The following TJP1 variants were observed in gnomAD, a reference collection of about 807,000 sequenced individuals.
TJP1 encodes the protein tight junction protein ZO-1.
Under a neutral mutation model 194.2 loss-of-function variants are expected in TJP1, and 43 were observed. The ratio of observed to expected loss-of-function variants is 0.22; its 90% CI spans 0.17 to 0.29. The LOEUF (loss-of-function observed/expected upper bound fraction) is 0.29, where lower values mean the gene tolerates loss of function less well. Ranked by LOEUF, TJP1 falls within the 10% of genes least tolerant of loss-of-function variation. The probability of loss-of-function intolerance (pLI) is 1.00; values close to 1 mark genes in which losing one functional copy is unlikely to be tolerated. For missense variants in TJP1, 1,971 were observed against 2,185.7 expected (o/e 0.90, Z 1.96); for synonymous variants, 801 against 779.0 (o/e 1.03, Z -0.47).
chr15:29,936,916 C>A (rs1447820668), intron 2 of TJP1, among the ~76,000 whole-genome samples: 1 of 152,138 alleles, frequency 6.6e-6, no homozygotes, highest in Non-Finnish European at 1.5e-5. Flanking sequence ...CCCTGGGATC[C>A]CTTGTTTCTT....
At chr15:29,766,571 T>G (rs779077757) in intron 4 of TJP1, 29 bp from the exon 5 acceptor site, 2 of 1,520,320 alleles carry the variant, frequency 1.3e-6, no homozygotes, top group African/African-American at 2.8e-5. Flanking sequence ...AAAAAATAAG[T>G]TGACTGATTT....
intron 25 of TJP1, 71 bp downstream of exon 25, chr15:29,708,488 A>T: frequency 7.8e-7 from 1 of 1,287,382 alleles, no homozygotes; most frequent in Middle Eastern, 2.4e-4. Flanking sequence ...GTCCCAAGTC[A>T]AATAAACTAC....
At chr15:29,966,213 T>G (rs73373148) in intron 1 of TJP1, among the ~76,000 whole-genome samples, 4,160 of 152,252 alleles carry the variant, frequency 0.027, 222 homozygotes, top group African/African-American at 0.096. Flanking sequence ...ATCTTGATTT[T>G]TAAACTGGCC....
At chr15:29,864,573 G>A (rs2052233539) in intron 2 of TJP1, among the ~76,000 whole-genome samples, 1 of 152,126 alleles carries the variant, frequency 6.6e-6, no homozygotes, top group Non-Finnish European at 1.5e-5. Context: ...TTACCTGCAA[G>A]CATCTGGGCC....
chr15:29,732,373 C>T, intron 15 of TJP1, 60 bp downstream of exon 15: 1 of 1,339,888 alleles, frequency 7.5e-7, no homozygotes, highest in Non-Finnish European at 1.1e-6. Context: ...TGAATCAGAA[C>T]TCACTCACTT....
At chr15:29,807,708 T>C (rs45482700) in intron 1 of TJP1, among the ~76,000 whole-genome samples, 3,743 of 152,226 alleles carry the variant, frequency 0.025, 157 homozygotes, top group African/African-American at 0.086. Context: ...AACATAACTA[T>C]ATTACAGATG....
At chr15:29,749,066 A>C (rs1745389608) in intron 8 of TJP1, among the ~76,000 whole-genome samples, 1 of 151,886 alleles carries the variant, frequency 6.6e-6, no homozygotes, top group Non-Finnish European at 1.5e-5. Flanking sequence ...CCTAGAAGGA[A>C]ACTTTGGGCA....
intron 2 of TJP1, among the ~76,000 whole-genome samples, chr15:29,912,591 A>G (rs2054049731): frequency 6.7e-6 from 1 of 149,416 alleles, no homozygotes; most frequent in Non-Finnish European, 1.5e-5. Flanking sequence ...CTGTAATCCT[A>G]GCTACTCAGG....
intron 2 of TJP1, among the ~76,000 whole-genome samples, chr15:29,839,015 T>TC: frequency 7.3e-6 from 1 of 137,336 alleles, no homozygotes; most frequent in South Asian, 2.6e-4. Flanking sequence ...TTTTTTTTTT[T>TC]TGAGACGGAG....
At chr15:29,838,728 A>T (rs1411997317) in intron 2 of TJP1, among the ~76,000 whole-genome samples, 2 of 151,952 alleles carry the variant, frequency 1.3e-5, no homozygotes, top group Non-Finnish European at 2.9e-5. Context: ...CTATGCCTTC[A>T]CCACAAGACT....
At chr15:29,785,835 T>G (rs933344124) in intron 2 of TJP1, among the ~76,000 whole-genome samples, 7 of 152,194 alleles carry the variant, frequency 4.6e-5, no homozygotes, top group African/African-American at 1.7e-4. Flanking sequence ...CCTCAGCAAT[T>G]GTCTGTTCCA....
At chr15:29,739,883 T>C (rs1435396832) in intron 10 of TJP1, among the ~76,000 whole-genome samples, 1 of 152,214 alleles carries the variant, frequency 6.6e-6, no homozygotes, top group African/African-American at 2.4e-5. Context: ...AATTACCTAA[T>C]ATTAAAATTG....
At chr15:29,805,176 A>C (rs1484450193) in intron 1 of TJP1, among the ~76,000 whole-genome samples, 1 of 152,202 alleles carries the variant, frequency 6.6e-6, no homozygotes, top group Non-Finnish European at 1.5e-5. Context: ...CAATTTCTGA[A>C]GAAGCAAAAA....
chr15:29,835,980 T>C (rs2051014646), intron 2 of TJP1, among the ~76,000 whole-genome samples: 1 of 152,152 alleles, frequency 6.6e-6, no homozygotes, highest in South Asian at 2.1e-4. Context: ...TTTTAAAATT[T>C]TTCCAGTTTT....
intron 4 of TJP1, among the ~76,000 whole-genome samples, chr15:29,770,915 A>C (rs1440149722): frequency 6.6e-6 from 1 of 152,146 alleles, no homozygotes; most frequent in African/African-American, 2.4e-5. Context: ...TGCAGCCTAA[A>C]TGTACAGTGT....
At chr15:29,868,894 C>T (rs939629683) in intron 2 of TJP1, among the ~76,000 whole-genome samples, 1 of 152,136 alleles carries the variant, frequency 6.6e-6, no homozygotes, top group African/African-American at 2.4e-5. Flanking sequence ...CATTCTGAAG[C>T]TTCCATATTA....
intron 2 of TJP1, among the ~76,000 whole-genome samples, chr15:29,790,895 C>T (rs75201977): frequency 6.6e-6 from 1 of 151,968 alleles, no homozygotes; most frequent in African/African-American, 2.4e-5. Context: ...TTATGGTTGA[C>T]TAATATTCCA....
At chr15:29,750,039 G>T (rs2045149511) in intron 8 of TJP1, among the ~76,000 whole-genome samples, 1 of 150,046 alleles carries the variant, frequency 6.7e-6, no homozygotes, top group Non-Finnish European at 1.5e-5. Context: ...CTGAGTCTCG[G>T]TCTGTCACCC....
At chr15:29,704,371 C>T in intron 26 of TJP1, 66 bp from the exon 27 acceptor site, 6 of 1,514,716 alleles carry the variant, frequency 4.0e-6, no homozygotes, top group Non-Finnish European at 5.4e-6. Flanking sequence ...TCCCAGTTTT[C>T]CTCACCCTGC....
Sources: allele counts gnomAD v4.1 joint callset (sites outside exome capture counted in the v4.1 genomes callset), GRCh38; gene constraint gnomAD v4.1.1; transcripts MANE v1.5; gene names NCBI Gene and HGNC (gene_info 2026-07-23, HGNC 2026-07-21).